Variants in CR1L observed in about 807,000 individuals in gnomAD.
CR1L encodes the protein complement component receptor 1-like protein.
In CR1L, 59 loss-of-function variants were observed where a neutral mutation model predicts 62.3. That is an observed-to-expected ratio of 0.95 (90% CI 0.77 to 1.18). The LOEUF (loss-of-function observed/expected upper bound fraction) is 1.18, where lower values mean the gene tolerates loss of function less well. CR1L is among the 50% of genes most tolerant of loss of function. The pLI is 0.00. For missense variants in CR1L, 700 were observed against 702.8 expected (o/e 1.00, Z 0.04); for synonymous variants, 279 against 248.7 (o/e 1.12, Z -1.15).
In CR1L at chr1:207,677,270, T is replaced by C. The variant is rs1177767685; in HGVS notation, c.98-119T>C. ...CCTGTGAGGCAGAGGATCGCACCAC[T>C]GCACTCCAGCCTGGGTGACAGAGGG... On this transcript the variant is annotated intron_variant, in intron 1 of 11. Coordinates refer to ENST00000508064, the MANE Select transcript of CR1L (RefSeq NM_175710.2). 5 of 1,011,226 alleles carry C rather than the reference T, an allele frequency of 4.9e-6. No individual in the cohort carries two copies. In the Admixed American group the frequency reaches 1.2e-4, roughly 25 times the overall value. 62.6% of individuals were successfully genotyped at this position (1,011,226 alleles called of 1,614,324 possible). A position where few individuals can be genotyped will look rare whatever the true frequency, so the allele number is the denominator to read the frequency against.
In CR1L at chr1:207,717,546, A is replaced by C. The variant is rs747563923; in HGVS notation, c.1497A>C (p.Glu499Asp). The C allele has an allele frequency of 6.2e-7, 1 of 1,613,802 alleles. No homozygotes were observed. The highest frequency in any genetic ancestry group is 8.5e-7 in the Non-Finnish European group (1 of 1,179,734). The change falls in exon 11 of 12, where the codon GAA becomes GAC. Residue 499 changes from glutamate to aspartate, a missense_variant. Physicochemically the swap from Glu to Asp is conservative, Grantham distance 45. Coordinates refer to ENST00000508064, the MANE Select transcript of CR1L (RefSeq NM_175710.2). ...TPLGDIPYGK[E>D]VSYTCDPHPD... is the part of the protein sequence containing the mutation. Reference sequence around the variant, plus strand: ...TTGGAGATATTCCCTATGGAAAAGAAGTATCTTACACATGTGACCCCCACC... The same window carrying C: ...TTGGAGATATTCCCTATGGAAAAGACGTATCTTACACATGTGACCCCCACC...
In CR1L at chr1:207,683,806, T is replaced by C. The variant is rs191850707; in HGVS notation, c.378-66T>C. 9.8e-4 allele frequency: 1,397 copies of C among 1,428,956 alleles called. 1 individual carries two copies. Among genetic ancestry groups the C allele is most frequent in the Non-Finnish European group, 1.3e-3 (1,347 of 1,019,514 alleles). The allele number at this position is 1,428,956 out of a possible 1,614,324, so 88.5% of individuals were successfully genotyped here. A position where few individuals can be genotyped will look rare whatever the true frequency, so the allele number is the denominator to read the frequency against. ...TCTATAAGAGTGTAATCTCTGGAAGTAGTAATTTAATTGGGTAGTTGACCT... is the reference window on the plus strand; with the variant it reads ...TCTATAAGAGTGTAATCTCTGGAAGCAGTAATTTAATTGGGTAGTTGACCT... On this transcript the variant is annotated intron_variant, in intron 3 of 11. Transcript: ENST00000508064.
At chr1:207,658,808 C>A (rs10863451) in intron 1 of CR1L, 1 of 152,182 alleles carries the variant, frequency 6.6e-6, no homozygotes, top group African/African-American at 2.4e-5. Flanking sequence ...TGTCTCACCT[C>A]AGCACTGGCA....
intron 1 of CR1L, among the ~76,000 whole-genome samples, chr1:207,671,828 G>A (rs574821479): frequency 6.6e-6 from 1 of 150,908 alleles, no homozygotes; most frequent in Admixed American, 6.6e-5. Flanking sequence ...GGCTGAGGCA[G>A]GAGAATCTCT....
At chr1:207,670,294 G>A (rs1272066699) in intron 1 of CR1L, among the ~76,000 whole-genome samples, 1 of 151,188 alleles carries the variant, frequency 6.6e-6, no homozygotes, top group Non-Finnish European at 1.5e-5. Context: ...AGAAGAGCAA[G>A]GGAAGCCCCA....
At chr1:207,685,959 T>C (rs1663893993) in intron 4 of CR1L, among the ~76,000 whole-genome samples, 1 of 151,868 alleles carries the variant, frequency 6.6e-6, no homozygotes, top group African/African-American at 2.4e-5. Context: ...TGGTTGACAC[T>C]GTACAAAACC....
intron 5 of CR1L, among the ~76,000 whole-genome samples, chr1:207,695,818 G>A (rs1228199493): frequency 6.6e-6 from 1 of 152,140 alleles, no homozygotes; most frequent in Non-Finnish European, 1.5e-5. Flanking sequence ...CAACTAGGGA[G>A]GTGCTACACA....
chr1:207,671,083 C>T (rs1478297761), intron 1 of CR1L, among the ~76,000 whole-genome samples: 1 of 151,036 alleles, frequency 6.6e-6, no homozygotes, highest in African/African-American at 2.5e-5. Flanking sequence ...CTGCTACTTA[C>T]CAACTGGGGC....
chr1:207,686,645 C>T (rs1663916731), intron 4 of CR1L, among the ~76,000 whole-genome samples: 1 of 152,090 alleles, frequency 6.6e-6, no homozygotes, highest in South Asian at 2.1e-4. Flanking sequence ...TTATATGTTT[C>T]TATTAAAGTA....
At chr1:207,648,603 G>C (rs1663173048) in intron 1 of CR1L, among the ~76,000 whole-genome samples, 1 of 152,262 alleles carries the variant, frequency 6.6e-6, no homozygotes. Flanking sequence ...TCAAATTTCA[G>C]GCCAGTCTCA....
At chr1:207,661,034 T>C (rs1277771420) in intron 1 of CR1L, among the ~76,000 whole-genome samples, 4 of 152,238 alleles carry the variant, frequency 2.6e-5, no homozygotes. Flanking sequence ...TTCTTTTCTT[T>C]TACATTTGCT....
chr1:207,667,276 G>A (rs187926385), intron 1 of CR1L, among the ~76,000 whole-genome samples: 3 of 152,250 alleles, frequency 2.0e-5, no homozygotes, highest in Admixed American at 2.0e-4. Context: ...TCAGGAGATC[G>A]TAAGTCCACA....
At chr1:207,678,175 A>G (rs913895273) in intron 2 of CR1L, 23 bp from the exon 3 acceptor site, 1 of 1,611,030 alleles carries the variant, frequency 6.2e-7, no homozygotes, top group Non-Finnish European at 8.5e-7. Context: ...ACTTGGCTTC[A>G]AATTTCTGTT....
rs191734480 is a variant in CR1L at position 207,686,470 on chromosome 1, C to T, written c.463+2513C>T. Among the ~76,000 whole-genome samples the T allele has an allele frequency of 1.3e-4, 20 of 151,926 alleles. No homozygotes were observed. The East Asian group carries it at 2.9e-3, about 22-fold the overall frequency. The stretch of plus-strand genomic sequence containing the variant: ...TATCGAGCACTTTAGTTATATGTAT[C>T]GATGTAATCATATCTGTTTCTCTTT... On this transcript the variant is annotated intron_variant, in intron 4 of 11. Coordinates refer to ENST00000508064, the MANE Select transcript of CR1L (RefSeq NM_175710.2).
chr1:207,706,044 T>TATATATATATATATAA (rs1491230856), intron 9 of CR1L, among the ~76,000 whole-genome samples: 4 of 118,836 alleles, frequency 3.4e-5, no homozygotes, highest in Non-Finnish European at 5.5e-5. Context: ...TATATATATA[T>TATATATATATATATAA]AAAACACTGA....
At chr1:207,663,170 G>T (rs1351199666) in intron 1 of CR1L, among the ~76,000 whole-genome samples, 4 of 152,236 alleles carry the variant, frequency 2.6e-5, no homozygotes, top group Non-Finnish European at 5.9e-5. Context: ...TCTCTTCAAA[G>T]CTGTCAGACA....
rs187011793 is a variant in CR1L, at chr1:207,657,158, G to A, written c.97+11828G>A. The A allele has an allele frequency of 1.3e-5, 12 of 909,364 alleles. No homozygotes were observed. In the East Asian group the frequency reaches 2.9e-4, roughly 22 times the overall value. The allele number at this position is 909,364 out of a possible 1,614,324, so 56.3% of individuals were successfully genotyped here. ...CACATGACCTCCAAAAATAAAAAAT[G>A]GAAAACACACCTTTAGTGAAGTAGA... On this transcript the variant is annotated intron_variant, in intron 1 of 11. Coordinates refer to ENST00000508064, the MANE Select transcript of CR1L (RefSeq NM_175710.2).
chr1:207,699,121 C>T (rs1258147588), intron 7 of CR1L, 68 bp from the exon 8 acceptor site: 2 of 1,603,724 alleles, frequency 1.2e-6, no homozygotes, highest in Non-Finnish European at 1.7e-6. Flanking sequence ...GGGGCTGGGC[C>T]TTAGATTGTG....
At chr1:207,682,988 CT>C (rs1001082149) in intron 3 of CR1L, among the ~76,000 whole-genome samples, 5 of 142,456 alleles carry the variant, frequency 3.5e-5, no homozygotes, top group South Asian at 2.6e-4. Context: ...TTCTTTCTTT[CT>C]TTTTTTCTTT....
Sources: allele counts gnomAD v4.1 joint callset (sites outside exome capture counted in the v4.1 genomes callset), GRCh38; gene constraint gnomAD v4.1.1; transcripts MANE v1.5; gene names NCBI Gene and HGNC (gene_info 2026-07-23, HGNC 2026-07-21).